The following AGAP1 variants were observed in gnomAD, a reference collection of about 807,000 sequenced individuals.
AGAP1 encodes arf-GAP with GTPase, ANK repeat and PH domain-containing protein 1.
In AGAP1, 29 loss-of-function variants were observed where a neutral mutation model predicts 105.3. That is an observed-to-expected ratio of 0.28 (90% CI 0.21 to 0.38). The LOEUF (loss-of-function observed/expected upper bound fraction) is 0.38. Ranked by LOEUF, AGAP1 falls within the 10% of genes least tolerant of loss-of-function variation. The probability of loss-of-function intolerance (pLI) is 1.00; values close to 1 mark genes in which losing one functional copy is unlikely to be tolerated. For missense variants in AGAP1, 998 were observed against 1,165.1 expected, an observed-to-expected ratio of 0.86 and a Z score of 2.09; for synonymous variants, 509 against 485.9, an observed-to-expected ratio of 1.05 and a Z score of -0.63.
chr2:235,834,354 G>A (rs909206265), intron 9 of AGAP1, among the ~76,000 whole-genome samples: 2 of 152,152 alleles, frequency 1.3e-5, no homozygotes, highest in Admixed American at 6.5e-5. Flanking sequence ...AGATCACACT[G>A]CAGATTCAGA....
At chr2:235,630,417 A>G (rs1482938137) in intron 1 of AGAP1, among the ~76,000 whole-genome samples, 1 of 152,024 alleles carries the variant, frequency 6.6e-6, no homozygotes, top group Non-Finnish European at 1.5e-5. Context: ...CACCATGTTG[A>G]TCAGGCTGGT....
Position 235,724,495 on chromosome 2 carries a change from A to G in AGAP1, c.310+6851A>G, listed in dbSNP as rs983649154. Among the ~76,000 whole-genome samples the G allele has an allele frequency of 6.6e-6, 1 of 152,118 alleles. No homozygotes were observed. Among genetic ancestry groups the G allele is most frequent in the African/African-American group, 2.4e-5 (1 of 41,426 alleles). ...GGTAGCTGGAAGAGTATGGTCAAGG[A>G]GCTCAAGGCAGCTCTTTCACTCAGG... On this transcript the variant is annotated intron_variant, in intron 3 of 17. Coordinates refer to ENST00000304032, the MANE Select transcript of AGAP1 (RefSeq NM_001037131.3). This position sits in a 1 kb window ranked among gnomAD's most constrained non-coding sequence, Gnocchi z 4.9.
intron 9 of AGAP1, among the ~76,000 whole-genome samples, chr2:235,836,503 A>C (rs1960178082): frequency 6.6e-6 from 1 of 152,194 alleles, no homozygotes; most frequent in African/African-American, 2.4e-5. Context: ...CCAGTCACTT[A>C]AGTACAGGTT....
chr2:235,728,315 G>GT lies in AGAP1; in HGVS notation c.310+10672dup, dbSNP rs1951755074. 6.6e-6 allele frequency among the ~76,000 whole-genome samples: 1 copy of GT among 151,852 alleles called. No homozygotes were observed. Among genetic ancestry groups the GT allele is most frequent in the African/African-American group, 2.4e-5 (1 of 41,238 alleles). On this transcript the variant is annotated intron_variant, in intron 3 of 17. Transcript: ENST00000304032. This position sits in a 1 kb window ranked among gnomAD's most constrained non-coding sequence, Gnocchi z 4.3. ...GGGCCCAGACTCTGTGTGTGTGTGTGTGTGTGTGTGTGCGTGCTCTTAAAT... is the reference window on the plus strand; with the variant it reads ...GGGCCCAGACTCTGTGTGTGTGTGTGTTGTGTGTGTGTGCGTGCTCTTAAAT...
intron 11 of AGAP1, 108 bp downstream of exon 11, chr2:235,909,014 A>G (rs905245780): frequency 4.5e-6 from 5 of 1,101,538 alleles, no homozygotes; most frequent in Non-Finnish European, 5.2e-6. Flanking sequence ...TAACTATCAC[A>G]TTACAGATTA....
Position 235,586,424 on chromosome 2 carries a change from C to T in AGAP1, c.163+91575C>T, listed in dbSNP as rs1196697754. 2.0e-5 allele frequency among the ~76,000 whole-genome samples: 3 copies of T among 152,192 alleles called. No individual in the cohort carries two copies. The highest frequency in any genetic ancestry group is 7.2e-5 in the African/African-American group (3 of 41,444). On this transcript the variant is annotated intron_variant, in intron 1 of 17. Transcript: ENST00000304032. This position sits in a 1 kb window ranked among gnomAD's most constrained non-coding sequence, Gnocchi z 4.2. ...AGAGGCTGTGACCTCCCCAAATACT[C>T]GGACTCCCCTGTGGAAGGCAAGGTG...
chr2:235,892,004 A>G lies in AGAP1; in HGVS notation c.1155+8555A>G, dbSNP rs116030084. On this transcript the variant is annotated intron_variant, in intron 10 of 17. Transcript: ENST00000304032. Reference sequence around the variant, plus strand: ...CCCCATCTCTACTAAAAATATAAAAACTAACCAGGTGTGCTGGTGGGTGCC... The same window carrying G: ...CCCCATCTCTACTAAAAATATAAAAGCTAACCAGGTGTGCTGGTGGGTGCC... Among the ~76,000 whole-genome samples the G allele has an allele frequency of 4.9e-3, 741 of 152,104 alleles. 8 individuals carry two copies. The highest frequency in any genetic ancestry group is 0.017 in the African/African-American group (702 of 41,492).
At chr2:235,667,089 G>T (rs1948150837) in intron 1 of AGAP1, among the ~76,000 whole-genome samples, 1 of 152,146 alleles carries the variant, frequency 6.6e-6, no homozygotes, top group African/African-American at 2.4e-5. Context: ...TATTTTAGTG[G>T]TGTTCATCAT....
chr2:235,593,819 A>G (rs976939217), intron 1 of AGAP1, among the ~76,000 whole-genome samples: 7 of 152,068 alleles, frequency 4.6e-5, no homozygotes, highest in Non-Finnish European at 8.8e-5. Flanking sequence ...AAATACAAAA[A>G]TTAGCTGGGC....
At chr2:235,937,335 G>C (rs185508444) in intron 12 of AGAP1, among the ~76,000 whole-genome samples, 1 of 152,220 alleles carries the variant, frequency 6.6e-6, no homozygotes, top group Non-Finnish European at 1.5e-5. Flanking sequence ...AGGCAGAAGC[G>C]TCCTGGGGTA....
intron 13 of AGAP1, among the ~76,000 whole-genome samples, chr2:236,021,462 C>G (rs1559198924): frequency 6.6e-6 from 1 of 152,122 alleles, no homozygotes; most frequent in African/African-American, 2.4e-5. Flanking sequence ...CCAACATGGC[C>G]GTGCTCACTT....
rs1486776831 is a variant in AGAP1 at position 235,631,843 on chromosome 2, C to CT, written c.164-77335dup. Among the ~76,000 whole-genome samples, 2 of 152,314 alleles carry CT rather than the reference C, an allele frequency of 1.3e-5. No individual in the cohort carries two copies. The highest frequency in any genetic ancestry group is 2.4e-5 in the African/African-American group (1 of 41,570). On this transcript the variant is annotated intron_variant, in intron 1 of 17. Transcript: ENST00000304032. This position sits in a 1 kb window ranked among gnomAD's most constrained non-coding sequence, Gnocchi z 5.4. Reference sequence around the variant, plus strand: ...CTTCCTGCTGTCAGGTGTGGCCACTCTCGTGAGATGCAACTGGAGGTGTTT... The same window carrying CT: ...CTTCCTGCTGTCAGGTGTGGCCACTCTTCGTGAGATGCAACTGGAGGTGTTT...
chr2:235,883,246 GCACA>G lies in AGAP1; in HGVS notation c.1051-92_1051-89del. ...CGCCAGTATCACAGAGTGAAGTTCT[GCACA>G]CACACAGAACTTGAATGTATATGTT... On this transcript the variant is annotated intron_variant, in intron 9 of 17. Coordinates refer to ENST00000304032, the MANE Select transcript of AGAP1 (RefSeq NM_001037131.3). The surrounding 1 kb of genome is among the most constrained non-coding windows in gnomAD (Gnocchi z 4.5). 1 of 960,660 alleles carries G rather than the reference GCACA, an allele frequency of 1.0e-6. No individual in the cohort carries two copies. The highest frequency in any genetic ancestry group is 1.6e-6 in the Non-Finnish European group (1 of 614,456). The allele number at this position is 960,660 out of a possible 1,614,324, so 59.5% of individuals were successfully genotyped here. A position where few individuals can be genotyped will look rare whatever the true frequency, so the allele number is the denominator to read the frequency against.
At position 235,612,494 on chromosome 2, in the gene AGAP1, G is replaced by A. The variant is rs1022472514; in HGVS notation, c.164-96685G>A. Among the ~76,000 whole-genome samples the A allele has an allele frequency of 6.6e-6, 1 of 152,206 alleles. No homozygotes were observed. The highest frequency in any genetic ancestry group is 2.1e-4 in the South Asian group (1 of 4,832). On this transcript the variant is annotated intron_variant, in intron 1 of 17. Coordinates refer to ENST00000304032, the MANE Select transcript of AGAP1 (RefSeq NM_001037131.3). The surrounding 1 kb of genome is among the most constrained non-coding windows in gnomAD (Gnocchi z 4.3). Reference sequence around the variant, plus strand: ...CCAGATGATCTATGAATTGGTCTTTGCCTTTGTACTTATTCAAACTGACAA... The same window carrying A: ...CCAGATGATCTATGAATTGGTCTTTACCTTTGTACTTATTCAAACTGACAA...
intron 12 of AGAP1, among the ~76,000 whole-genome samples, chr2:235,935,315 A>C (rs1481671751): frequency 3.3e-5 from 5 of 152,184 alleles, no homozygotes; most frequent in African/African-American, 1.2e-4. Context: ...TGAGTACCAC[A>C]TGCTGCTGAG....
chr2:235,703,577 T>TCCCTCCCCTCCCCCGCCC (rs1950368727), intron 1 of AGAP1, among the ~76,000 whole-genome samples: 1 of 64,294 alleles, frequency 1.6e-5, no homozygotes, highest in Non-Finnish European at 3.0e-5. Flanking sequence ...CTCCCCCGCT[T>TCCCTCCCCTCCCCCGCCC]CCCTCCCCTC....
intron 1 of AGAP1, among the ~76,000 whole-genome samples, chr2:235,650,901 C>T (rs575333478): frequency 1.3e-5 from 2 of 152,078 alleles, no homozygotes; most frequent in South Asian, 4.2e-4. Context: ...AGACCCTGGC[C>T]AGGCGTGGTG....
Position 235,971,780 on chromosome 2 carries a change from T to G in AGAP1, c.1645+3157T>G, listed in dbSNP as rs147794774. 2.3e-3 allele frequency among the ~76,000 whole-genome samples: 312 copies of G among 135,486 alleles called. 1 individual carries two copies. The highest frequency in any genetic ancestry group is 8.1e-3 in the African/African-American group (305 of 37,650). 88.9% of individuals were successfully genotyped at this position (135,486 alleles called of 152,430 possible). The stretch of plus-strand genomic sequence containing the variant: ...TTATTTATTTATTTATTTATTTATT[T>G]ATTTATTGTATTTTTTGAGACAGGT... On this transcript the variant is annotated intron_variant, in intron 13 of 17. Coordinates refer to ENST00000304032, the MANE Select transcript of AGAP1 (RefSeq NM_001037131.3). This position sits in a 1 kb window ranked among gnomAD's most constrained non-coding sequence, Gnocchi z 4.8.
rs2056177921 is a variant in AGAP1, at chr2:236,002,786, T to G, written c.1646-33775T>G. On this transcript the variant is annotated intron_variant, in intron 13 of 17. Coordinates refer to ENST00000304032, the MANE Select transcript of AGAP1 (RefSeq NM_001037131.3). The surrounding 1 kb of genome is among the most constrained non-coding windows in gnomAD (Gnocchi z 4.3). ...TTCAGAAGTCCAATTCATTATTAGA[T>G]TTCTATAAATATAAATATTTATATG... 6.6e-6 allele frequency among the ~76,000 whole-genome samples: 1 copy of G among 152,152 alleles called. No individual in the cohort carries two copies. Among genetic ancestry groups the G allele is most frequent in the South Asian group, 2.1e-4 (1 of 4,824 alleles).
Sources: gnomAD v4.1 joint callset for allele counts (sites outside exome capture counted in the v4.1 genomes callset) on GRCh38, gnomAD v4.1.1 for gene constraint, Gnocchi (gnomAD v3.1) non-coding constraint, MANE v1.5 for transcripts, NCBI Gene and HGNC (gene_info 2026-07-23, HGNC 2026-07-21) for gene names.